The following CYP4Z1 variants were observed in gnomAD, a reference collection of about 807,000 sequenced individuals.
CYP4Z1 encodes the protein cytochrome P450 family 4 subfamily Z member 1.
CYP4Z1 carries 41 observed loss-of-function variants against 54.2 expected under a neutral mutation model. That is an observed-to-expected ratio of 0.76 (90% CI 0.59 to 0.98). CYP4Z1 has a LOEUF of 0.98. CYP4Z1 is among the 50% of genes least tolerant of loss of function. CYP4Z1 has a pLI of 0.00. For synonymous variants in CYP4Z1, 163 were observed against 206.2 expected, an observed-to-expected ratio of 0.79 and a Z score of 1.79; for missense variants, 513 against 599.0, an observed-to-expected ratio of 0.86 and a Z score of 1.50.
At chr1:47,071,404 GA>G (rs1194118478) in intron 2 of CYP4Z1, among the ~76,000 whole-genome samples, 280 of 121,732 alleles carry the variant, frequency 2.3e-3, no homozygotes, top group Non-Finnish European at 3.7e-3. Flanking sequence ...TTCGTCTCAA[GA>G]AAAAAAAATA....
the CYP4Z1 span, among the ~76,000 whole-genome samples, chr1:47,058,919 G>A: frequency 1.3e-5 from 2 of 152,108 alleles, no homozygotes; most frequent in Admixed American, 6.6e-5. Flanking sequence ...TTCATGACAA[G>A]TAGATTCACT....
rs1235910649 is a variant in CYP4Z1 at position 47,067,342 on chromosome 1, G to C, written c.-149G>C. ...GTTTTCACCCTGCAGACTTAATTAGGCTTCCTCTTCCTTATGTCCCCTCCC... is the reference window on the plus strand; with the variant it reads ...GTTTTCACCCTGCAGACTTAATTAGCCTTCCTCTTCCTTATGTCCCCTCCC... On this transcript the variant is annotated 5_prime_UTR_variant, in exon 1 of 12. Coordinates refer to ENST00000334194, the MANE Select transcript of CYP4Z1 (RefSeq NM_178134.3). 1.5e-5 allele frequency: 9 copies of C among 596,452 alleles called. No homozygotes were observed. In the East Asian group the frequency reaches 2.6e-4, roughly 17 times the overall value. 36.9% of individuals were successfully genotyped at this position (596,452 alleles called of 1,614,324 possible).
chr1:47,116,525 A>G, intron 10 of CYP4Z1, 125 bp from the exon 11 acceptor site: 1 of 587,618 alleles, frequency 1.7e-6, no homozygotes, highest in Middle Eastern at 3.6e-4. Flanking sequence ...CAGACATTGT[A>G]AGTTCCTAAA....
intron 6 of CYP4Z1, among the ~76,000 whole-genome samples, chr1:47,090,026 T>C (rs55930833): frequency 0.2 from 27,405 of 134,908 alleles, 2,721 homozygotes; most frequent in African/African-American, 0.37. Context: ...TCTTACAACA[T>C]ACTTAAAATT....
chr1:47,060,131 ATTCAC>A, the CYP4Z1 span, among the ~76,000 whole-genome samples: 2 of 152,190 alleles, frequency 1.3e-5, no homozygotes, highest in African/African-American at 4.8e-5. Flanking sequence ...TGTTAGACAA[ATTCAC>A]TTCATTTCTA....
intron 2 of CYP4Z1, among the ~76,000 whole-genome samples, chr1:47,074,472 A>G (rs1441638035): frequency 1.3e-5 from 2 of 152,138 alleles, no homozygotes; most frequent in East Asian, 1.9e-4. Flanking sequence ...ATGTTGCTGC[A>G]ATGATGTGAT....
chr1:47,066,165 CT>C (rs1644448894), upstream of CYP4Z1, among the ~76,000 whole-genome samples: 1 of 152,098 alleles, frequency 6.6e-6, no homozygotes, highest in African/African-American at 2.4e-5. Flanking sequence ...AGAGAGCATC[CT>C]CCCTAAATCA....
the CYP4Z1 span, among the ~76,000 whole-genome samples, chr1:47,057,074 T>C: frequency 6.6e-6 from 1 of 151,930 alleles, no homozygotes; most frequent in African/African-American, 2.4e-5. Flanking sequence ...TTCCTTTCCA[T>C]GTTTAGTGCT....
In CYP4Z1 at chr1:47,068,645, G is replaced by T. The variant is rs1244688646; in HGVS notation, c.201G>T (p.Glu67Asp). The T allele has an allele frequency of 6.2e-7, 1 of 1,614,144 alleles. No individual in the cohort carries two copies. Among genetic ancestry groups the T allele is most frequent in the African/African-American group, 1.3e-5 (1 of 75,040 alleles). The change falls in exon 2 of 12, where the codon GAG (glutamate) becomes GAT (aspartate). Residue 67 changes from glutamate (E) to aspartate (D), a missense_variant. By Grantham distance (45) the Glu-to-Asp change is conservative (BLOSUM62 2). Coordinates refer to ENST00000334194, the MANE Select transcript of CYP4Z1 (RefSeq NM_178134.3). ...HKEFYPVKEF[E>D]VYHKLMEKYP... ...AGTTTTACCCAGTAAAGGAGTTTGA[G>T]GTGTATCATAAGCTGATGGAAAAAT...
chr1:47,107,624 C>T (rs1644765944), intron 9 of CYP4Z1, among the ~76,000 whole-genome samples: 1 of 151,952 alleles, frequency 6.6e-6, no homozygotes, highest in Non-Finnish European at 1.5e-5. Flanking sequence ...TAAATCCTGT[C>T]AATAAGCTCT....
chr1:47,082,442 A>C lies in CYP4Z1; in HGVS notation c.473A>C (p.Glu158Ala), dbSNP rs1644561832. The change falls in exon 4 of 12, where the codon GAG (glutamate) becomes GCG (alanine). Residue 158 changes from glutamate (E) to alanine (A), a missense_variant. Transcript: ENST00000334194. ...AAAATATTCATCACCATGATGTCTG[A>C]GAGTGTTCGGATGATGCTGGTAAGA... ...ILKIFITMMS[E>A]SVRMMLNKWE... The C allele has an allele frequency of 6.2e-7, 1 of 1,613,264 alleles. No homozygotes were observed. Among genetic ancestry groups the C allele is most frequent in the Non-Finnish European group, 8.5e-7 (1 of 1,179,638 alleles).
At chr1:47,063,847 C>A (rs913978469), upstream of CYP4Z1, among the ~76,000 whole-genome samples, 1 of 152,042 alleles carries the variant, frequency 6.6e-6, no homozygotes, top group Non-Finnish European at 1.5e-5. Context: ...ACTTCCCTGG[C>A]CTTGCTGGAG....
At chr1:47,117,283 T>C (rs1351516301) in intron 11 of CYP4Z1, among the ~76,000 whole-genome samples, 3 of 152,190 alleles carry the variant, frequency 2.0e-5, no homozygotes, top group Non-Finnish European at 4.4e-5. Context: ...TCAAGTTACG[T>C]GGACCTTGCA....
At chr1:47,107,148 A>G (rs1264433735) in intron 9 of CYP4Z1, among the ~76,000 whole-genome samples, 1 of 152,210 alleles carries the variant, frequency 6.6e-6, no homozygotes. Flanking sequence ...GGGACTAAGC[A>G]TTGTTCCATA....
chr1:47,079,596 C>A (rs1195472213), intron 2 of CYP4Z1, among the ~76,000 whole-genome samples: 4 of 152,234 alleles, frequency 2.6e-5, no homozygotes, highest in Non-Finnish European at 5.9e-5. Flanking sequence ...CTATCAATCT[C>A]TTTTACCCAT....
intron 2 of CYP4Z1, among the ~76,000 whole-genome samples, chr1:47,071,478 TG>T (rs1246491886): frequency 1.8e-5 from 1 of 56,534 alleles, no homozygotes; most frequent in East Asian, 4.2e-4. Context: ...GGATGTGAAA[TG>T]GTATCTTATG....
chr1:47,062,320 C>T (rs996688757), upstream of CYP4Z1, among the ~76,000 whole-genome samples: 8 of 152,220 alleles, frequency 5.3e-5, no homozygotes, highest in African/African-American at 1.9e-4. Context: ...AGGAACATAC[C>T]GGGAAAGCTA....
At chr1:47,057,675 T>C in the CYP4Z1 span, among the ~76,000 whole-genome samples, 2 of 151,728 alleles carry the variant, frequency 1.3e-5, no homozygotes, top group Admixed American at 6.6e-5. Context: ...ATTTAACTGC[T>C]GAGATTTCCT....
At chr1:47,058,057 A>C in the CYP4Z1 span, among the ~76,000 whole-genome samples, 2 of 152,118 alleles carry the variant, frequency 1.3e-5, no homozygotes, top group Non-Finnish European at 2.9e-5. Flanking sequence ...TTATCAAAAA[A>C]AACTTTACTT....
Sources: gnomAD v4.1 joint callset for allele counts (sites outside exome capture counted in the v4.1 genomes callset) on GRCh38, gnomAD v4.1.1 for gene constraint, MANE v1.5 for transcripts, NCBI Gene and HGNC (gene_info 2026-07-23, HGNC 2026-07-21) for gene names.